The following MAPK6 variants were observed in gnomAD, a reference collection of about 807,000 sequenced individuals.
The protein encoded by MAPK6 is ERK-3.
MAPK6 carries 19 observed loss-of-function variants against 59.3 expected under a neutral mutation model. The observed-to-expected ratio is 0.32, with a 90% CI of 0.22 to 0.47. The LOEUF is 0.47. Among genes scored for constraint, MAPK6 ranks in the 20% least tolerant of loss-of-function variants. The pLI, the probability that MAPK6 is intolerant of heterozygous loss-of-function variation, is 1.00. For synonymous variants in MAPK6, 316 were observed against 290.3 expected (o/e 1.09, Z -0.90); for missense variants, 724 against 847.9 (o/e 0.85, Z 1.81).
chr15:52,037,440 C>T (rs1336836179), intron 1 of MAPK6, among the ~76,000 whole-genome samples: 1 of 152,194 alleles, frequency 6.6e-6, no homozygotes, highest in Non-Finnish European at 1.5e-5. Context: ...GTGTCAAGGT[C>T]TTGCATATCT....
chr15:51,976,486 T>C (rs142861241), intron 1 of MAPK6, among the ~76,000 whole-genome samples: 5 of 151,642 alleles, frequency 3.3e-5, no homozygotes, highest in Admixed American at 6.6e-5. Context: ...CTTATCAAAT[T>C]CATTCCCTGA....
At chr15:51,974,748 T>TGCTCTGTCACCCAGGCTGGAGTGCCGTG (rs1202550289) in intron 1 of MAPK6, among the ~76,000 whole-genome samples, 1 of 150,432 alleles carries the variant, frequency 6.6e-6, no homozygotes, top group African/African-American at 2.4e-5. Context: ...GACAGAGTCT[T>TGCTCTGTCACCCAGGCTGGAGTGCCGTG]GCTCTGTCAC....
chr15:52,016,555 A>G (rs2030276704), upstream of MAPK6, among the ~76,000 whole-genome samples: 2 of 152,188 alleles, frequency 1.3e-5, no homozygotes, highest in African/African-American at 2.4e-5. Flanking sequence ...CCTAAAATCC[A>G]TTTATCTCAT....
Position 52,065,144 on chromosome 15 carries a change from ACTTT to A in MAPK6, c.*149_*152del, listed in dbSNP as rs531208072. 96 of 744,316 alleles carry A rather than the reference ACTTT, an allele frequency of 1.3e-4. 1 individual carries two copies. The highest frequency in any genetic ancestry group is 5.4e-4 in the South Asian group (17 of 31,738). The allele number at this position is 744,316 out of a possible 1,614,324, so 46.1% of individuals were successfully genotyped here. On this transcript the variant is annotated 3_prime_UTR_variant, in exon 6 of 6. Coordinates refer to ENST00000261845, the MANE Select transcript of MAPK6 (RefSeq NM_002748.4). The stretch of plus-strand genomic sequence containing the variant: ...TGAGTTCTTGTTTTTTAAAATCCAG[ACTTT>A]CTTTTTCTACATGTGAGATAGTTTT...
chr15:51,992,873 G>A (rs1462176657), intron 2 of MAPK6, among the ~76,000 whole-genome samples: 4 of 152,090 alleles, frequency 2.6e-5, no homozygotes, highest in Admixed American at 6.6e-5. Flanking sequence ...CTTCCATGCC[G>A]CCTCTGGGAG....
intron 2 of MAPK6, among the ~76,000 whole-genome samples, chr15:52,000,110 T>G (rs1237126539): frequency 2.1e-5 from 3 of 145,636 alleles, no homozygotes; most frequent in Non-Finnish European, 4.6e-5. Context: ...GCTAATTTTG[T>G]TTTTTTTTTT....
At chr15:52,059,324 C>CA (rs955997612) in intron 4 of MAPK6, among the ~76,000 whole-genome samples, 57 of 152,142 alleles carry the variant, frequency 3.7e-4, no homozygotes, top group African/African-American at 1.4e-3. Flanking sequence ...AAAATAGAGA[C>CA]AGAGTCTTCC....
At chr15:52,012,616 A>G (rs532157489) in intron 3 of MAPK6, among the ~76,000 whole-genome samples, 1 of 152,262 alleles carries the variant, frequency 6.6e-6, no homozygotes, top group South Asian at 2.1e-4. Flanking sequence ...GATTTTGAGT[A>G]ATCATCCTGT....
At chr15:52,024,406 T>C (rs1480129909) in intron 1 of MAPK6, among the ~76,000 whole-genome samples, 1 of 150,798 alleles carries the variant, frequency 6.6e-6, no homozygotes, top group Non-Finnish European at 1.5e-5. Flanking sequence ...CTTTTTCTTT[T>C]TTTTTTTTTT....
At chr15:52,022,936 C>G (rs1043910440) in intron 1 of MAPK6, among the ~76,000 whole-genome samples, 2 of 151,584 alleles carry the variant, frequency 1.3e-5, no homozygotes, top group Non-Finnish European at 2.9e-5. Context: ...GGTGAAACCC[C>G]GTCTCTAATA....
intron 1 of MAPK6, among the ~76,000 whole-genome samples, chr15:51,975,557 A>G (rs902801103): frequency 7.2e-5 from 11 of 151,864 alleles, no homozygotes; most frequent in Admixed American, 6.6e-4. Flanking sequence ...AAAGTATAAA[A>G]TATATACTTA....
At chr15:51,989,146 C>T (rs1213643182) in intron 2 of MAPK6, among the ~76,000 whole-genome samples, 1 of 146,790 alleles carries the variant, frequency 6.8e-6, no homozygotes, top group Non-Finnish European at 1.5e-5. Flanking sequence ...ATGGCATGAT[C>T]TTGGCTCACT....
Position 52,058,628 on chromosome 15 carries a change from C to G in MAPK6, c.701-5C>G. ...TGTGTTTTTTTGTTTGTTTTTTAAC[C>G]TCAGGTGCACATGAACTTGAACAGA... On this transcript the variant is annotated splice_polypyrimidine_tract_variant and splice_region_variant and intron_variant, in intron 3 of 5. Transcript: ENST00000261845. 6.3e-7 allele frequency: 1 copy of G among 1,589,524 alleles called. No homozygotes were observed. The highest frequency in any genetic ancestry group is 1.3e-5 in the African/African-American group (1 of 74,112).
At chr15:52,029,062 C>T (rs528864573) in intron 1 of MAPK6, among the ~76,000 whole-genome samples, 10 of 152,262 alleles carry the variant, frequency 6.6e-5, no homozygotes, top group East Asian at 5.8e-4. Flanking sequence ...GTTTCTGAGA[C>T]GGAGTCTCGC....
At chr15:51,991,722 G>C (rs1162252393) in intron 2 of MAPK6, among the ~76,000 whole-genome samples, 1 of 152,212 alleles carries the variant, frequency 6.6e-6, no homozygotes, top group African/African-American at 2.4e-5. Context: ...GTAGGACATA[G>C]TGTCTGAAGT....
At position 52,059,416 on chromosome 15, in the gene MAPK6, C is replaced by T. The variant is rs115736745; in HGVS notation, c.865+619C>T. ...GTGGTAGTATTACAGGTGTAAGCCA[C>T]CACACCTGGCCAAGGAGCACTTTTA... On this transcript the variant is annotated intron_variant, in intron 4 of 5. Transcript: ENST00000261845. Among the ~76,000 whole-genome samples, 1,000 of 152,314 alleles carry T rather than the reference C, an allele frequency of 6.6e-3. 14 individuals carry two copies. Among genetic ancestry groups the T allele is most frequent in the African/African-American group, 0.023 (953 of 41,556 alleles).
chr15:52,008,991 G>C (rs1413281869), intron 3 of MAPK6, among the ~76,000 whole-genome samples: 1 of 152,184 alleles, frequency 6.6e-6, no homozygotes, highest in Non-Finnish European at 1.5e-5. Flanking sequence ...GTGGAAGGCA[G>C]ACCTACTAAG....
chr15:52,041,095 C>T (rs1295471409), intron 1 of MAPK6, among the ~76,000 whole-genome samples: 1 of 152,180 alleles, frequency 6.6e-6, no homozygotes, highest in East Asian at 1.9e-4. Flanking sequence ...CTTTATGTTA[C>T]CTTCCTTTTT....
chr15:52,022,575 G>C (rs1052496565), intron 1 of MAPK6, among the ~76,000 whole-genome samples: 1 of 151,762 alleles, frequency 6.6e-6, no homozygotes, highest in Non-Finnish European at 1.5e-5. Context: ...AAAATGTATT[G>C]TTAATGTGAA....
Sources: gnomAD v4.1 joint callset for allele counts (sites outside exome capture counted in the v4.1 genomes callset) on GRCh38, gnomAD v4.1.1 for gene constraint, MANE v1.5 for transcripts, NCBI Gene and HGNC (gene_info 2026-07-23, HGNC 2026-07-21) for gene names.